Variants in CNTNAP2 observed in about 807,000 individuals in gnomAD.
CNTNAP2 encodes contactin-associated protein-like 2.
A neutral mutation model predicts 155.2 loss-of-function variants in CNTNAP2; 98 were observed. The observed-to-expected ratio is 0.63, with a 90% CI of 0.54 to 0.75. The LOEUF is 0.75. CNTNAP2 is among the 30% of genes least tolerant of loss of function. CNTNAP2 has a pLI of 0.00. For missense variants in CNTNAP2, 1,727 were observed against 1,688.1 expected (o/e 1.02, Z -0.40); for synonymous variants, 651 against 631.2 (o/e 1.03, Z -0.47).
chr7:147,630,316 T>TAAAAAAAAAAAAAAAAAAA (rs71183024), intron 12 of CNTNAP2, among the ~76,000 whole-genome samples: 2 of 73,108 alleles, frequency 2.7e-5, no homozygotes, highest in African/African-American at 4.2e-5. Flanking sequence ...GAAACAGTAG[T>TAAAAAAAAAAAAAAAAAAA]AAAAAAAAAA....
At chr7:146,306,665 A>G (rs570238531) in intron 1 of CNTNAP2, among the ~76,000 whole-genome samples, 8 of 152,288 alleles carry the variant, frequency 5.3e-5, no homozygotes, top group South Asian at 2.1e-4. Context: ...CTGGGATTCA[A>G]GGCTGGTTCA....
chr7:146,184,955 G>T (rs1014806723), intron 1 of CNTNAP2, among the ~76,000 whole-genome samples: 1 of 152,094 alleles, frequency 6.6e-6, no homozygotes, highest in East Asian at 1.9e-4. Context: ...TTCAGAGATG[G>T]TTTTTCTGTA....
At chr7:147,472,304 C>G (rs1798239331) in intron 10 of CNTNAP2, among the ~76,000 whole-genome samples, 1 of 142,774 alleles carries the variant, frequency 7.0e-6, no homozygotes, top group African/African-American at 2.6e-5. Flanking sequence ...CCTTTGCCTC[C>G]CAGGTTCATG....
chr7:146,940,400 T>G (rs1281763471), intron 3 of CNTNAP2, among the ~76,000 whole-genome samples: 1 of 151,982 alleles, frequency 6.6e-6, no homozygotes, highest in Non-Finnish European at 1.5e-5. Context: ...TTCACCTTGT[T>G]GTCCAGGATG....
At chr7:146,582,917 A>G (rs1798633378) in intron 1 of CNTNAP2, among the ~76,000 whole-genome samples, 1 of 148,628 alleles carries the variant, frequency 6.7e-6, no homozygotes, top group Admixed American at 6.7e-5. Flanking sequence ...TTAAGTATAA[A>G]TATTAAATAT....
intron 13 of CNTNAP2, among the ~76,000 whole-genome samples, chr7:147,675,788 A>G (rs1320663877): frequency 6.6e-6 from 1 of 152,074 alleles, no homozygotes; most frequent in Admixed American, 6.6e-5. Context: ...AGGTGAATGT[A>G]TTACAAGATG....
In CNTNAP2 at chr7:146,543,369, C is replaced by A. The variant is rs567735476; in HGVS notation, c.98-230902C>A. ...GACTTTGACATACATAAACCTCAGT[C>A]AAGGTATACCCCATACCCAAGAACA... On this transcript the variant is annotated intron_variant, in intron 1 of 23. Transcript: ENST00000361727. Among the ~76,000 whole-genome samples the A allele has an allele frequency of 3.3e-5, 5 of 151,888 alleles. No individual in the cohort carries two copies. In the South Asian group the frequency reaches 1.0e-3, roughly 32 times the overall value.
rs975496452 is a variant in CNTNAP2 at position 146,934,649 on chromosome 7, C to T, written c.402+94745C>T. On this transcript the variant is annotated intron_variant, in intron 3 of 23. Coordinates refer to ENST00000361727, the MANE Select transcript of CNTNAP2 (RefSeq NM_014141.6). ...AAATTTTCAACAATGGACATGTATT[C>T]GCATTTATAATTTTGAAAAGAAAAA... Among the ~76,000 whole-genome samples, 13 of 151,916 alleles carry T rather than the reference C, an allele frequency of 8.6e-5. No homozygotes were observed. The East Asian group carries it at 1.4e-3, about 16-fold the overall frequency.
intron 1 of CNTNAP2, among the ~76,000 whole-genome samples, chr7:146,317,170 T>C (rs927811183): frequency 6.6e-6 from 1 of 152,208 alleles, no homozygotes; most frequent in Admixed American, 6.5e-5. Context: ...ATAATGTTCT[T>C]TATAAATGCA....
intron 12 of CNTNAP2, among the ~76,000 whole-genome samples, chr7:147,619,994 T>C (rs10251488): frequency 0.29 from 44,641 of 152,092 alleles, 8,015 homozygotes; most frequent in African/African-American, 0.49. Flanking sequence ...AGAGACACTC[T>C]ATTTGTGTGG....
intron 3 of CNTNAP2, among the ~76,000 whole-genome samples, chr7:146,890,782 C>G (rs1231566063): frequency 6.6e-6 from 1 of 152,060 alleles, no homozygotes; most frequent in Non-Finnish European, 1.5e-5. Context: ...ATGAGTGAAC[C>G]AGTTTAACTG....
At chr7:147,588,639 T>C (rs1266610695) in intron 12 of CNTNAP2, among the ~76,000 whole-genome samples, 1 of 152,200 alleles carries the variant, frequency 6.6e-6, no homozygotes, top group African/African-American at 2.4e-5. Context: ...GATGTGCCAT[T>C]ATGTTCTTTC....
chr7:147,125,782 A>G (rs1156511232), intron 6 of CNTNAP2, among the ~76,000 whole-genome samples: 1 of 152,180 alleles, frequency 6.6e-6, no homozygotes. Flanking sequence ...CATTCTTTCC[A>G]TAGGGTTTAT....
intron 1 of CNTNAP2, among the ~76,000 whole-genome samples, chr7:146,336,738 A>G (rs1240555176): frequency 6.6e-6 from 1 of 152,228 alleles, no homozygotes; most frequent in Non-Finnish European, 1.5e-5. Flanking sequence ...ATATCATGAA[A>G]TACTGCTCAG....
intron 21 of CNTNAP2, among the ~76,000 whole-genome samples, chr7:148,301,810 G>A (rs1797396584): frequency 6.6e-6 from 1 of 152,220 alleles, no homozygotes; most frequent in African/African-American, 2.4e-5. Flanking sequence ...GTTGGTGGTA[G>A]AAGGCTTCTG....
At chr7:147,422,762 C>T (rs1211978418) in intron 10 of CNTNAP2, among the ~76,000 whole-genome samples, 1 of 152,090 alleles carries the variant, frequency 6.6e-6, no homozygotes, top group African/African-American at 2.4e-5. Context: ...GTAAACATAT[C>T]AGAGTTACCT....
chr7:148,008,816 ACT>A (rs1161040556), intron 15 of CNTNAP2, among the ~76,000 whole-genome samples: 17 of 151,794 alleles, frequency 1.1e-4, no homozygotes, highest in Admixed American at 8.5e-4. Flanking sequence ...CAGCATCATC[ACT>A]CTCTGTTTCT....
rs1199132372 is a variant in CNTNAP2 at position 147,335,872 on chromosome 7, G to GA, written c.1498+35590dup. The stretch of plus-strand genomic sequence containing the variant: ...GGTCATTGCTGTACAAATGTGATGT[G>GA]AAAAAAAATAAAATTTAGCAGCTGT... On this transcript the variant is annotated intron_variant, in intron 9 of 23. Coordinates refer to ENST00000361727, the MANE Select transcript of CNTNAP2 (RefSeq NM_014141.6). Among the ~76,000 whole-genome samples the GA allele has an allele frequency of 7.9e-5, 10 of 126,696 alleles. No homozygotes were observed. In the South Asian group the frequency reaches 2.0e-3, roughly 25 times the overall value. The allele number at this position is 126,696 out of a possible 152,430, so 83.1% of individuals were successfully genotyped here.
intron 6 of CNTNAP2, among the ~76,000 whole-genome samples, chr7:147,123,509 G>A (rs1306612604): frequency 6.6e-6 from 1 of 152,164 alleles, no homozygotes; most frequent in Admixed American, 6.5e-5. Flanking sequence ...GAGAACTGCA[G>A]GTATAGACTA....
Sources: allele counts gnomAD v4.1 joint callset (sites outside exome capture counted in the v4.1 genomes callset), GRCh38; gene constraint gnomAD v4.1.1; transcripts MANE v1.5; gene names NCBI Gene and HGNC (gene_info 2026-07-23, HGNC 2026-07-21).